Variants in MYO9B observed in about 807,000 individuals in gnomAD.
MYO9B encodes unconventional myosin-IXb.
A neutral mutation model predicts 229.5 loss-of-function variants in MYO9B; 71 were observed. That is an observed-to-expected ratio of 0.31 (90% CI 0.26 to 0.38). The LOEUF is 0.38. Among genes scored for constraint, MYO9B ranks in the 10% least tolerant of loss-of-function variants. MYO9B has a pLI of 1.00. For synonymous variants in MYO9B, 1,185 were observed against 1,235.8 expected, an observed-to-expected ratio of 0.96 and a Z score of 0.86; for missense variants, 2,255 against 2,920.5, an observed-to-expected ratio of 0.77 and a Z score of 5.25.
At chr19:17,198,851 A>G (rs142974745) in intron 24 of MYO9B, among the ~76,000 whole-genome samples, 8 of 150,228 alleles carry the variant, frequency 5.3e-5, no homozygotes, top group East Asian at 3.9e-4. Context: ...CTCTGTCTCT[A>G]TCGGCACTTG....
chr19:17,147,672 ATTTTTTTTTTTT>A (rs1027030377), intron 3 of MYO9B, among the ~76,000 whole-genome samples: 5 of 81,236 alleles, frequency 6.2e-5, no homozygotes, highest in South Asian at 4.6e-4. Flanking sequence ...ACTATGTTTA[ATTTTTTTTTTTT>A]TTTTTTTTTT....
At position 17,209,708 on chromosome 19, in the gene MYO9B, CTG is replaced by C; in HGVS notation, c.5748+2_5748+3del. The C allele has an allele frequency of 6.2e-7, 1 of 1,613,662 alleles. No individual in the cohort carries two copies. Among genetic ancestry groups the C allele is most frequent in the East Asian group, 2.2e-5 (1 of 44,882 alleles). ...AGGCTTTCGCTCCTGCGACAAAATG[CTG>C]TGAGTACCGGTGATCGTGGGGGCGG... On this transcript the variant is annotated splice_donor_variant and coding_sequence_variant, in exon 36 of 40. Coordinates refer to ENST00000682292, the MANE Select transcript of MYO9B (RefSeq NM_004145.4). LOFTEE classifies it high-confidence loss of function.
chr19:17,188,522 C>A (rs1401435757), intron 19 of MYO9B, among the ~76,000 whole-genome samples: 2 of 151,972 alleles, frequency 1.3e-5, no homozygotes, highest in Admixed American at 1.3e-4. Flanking sequence ...GGTGACAGCG[C>A]CTGGTTCCCT....
At position 17,172,902 on chromosome 19, in the gene MYO9B, G is replaced by A; in HGVS notation, c.2079G>A (p.Arg693=). Residue 693 remains arginine (R), a synonymous_variant, in exon 13 of 40, where the codon CGG becomes CGA. Transcript: ENST00000682292. The surrounding 1 kb of genome is among the most constrained non-coding windows in gnomAD (Gnocchi z 8.2). The part of the protein sequence containing the change: ...FRWAVLRAAI[R]AMAVLREAGR... ...GGGCCGTGCTCCGGGCTGCTATCCGGGCCATGGCAGTGCTTCGGGAGGCCG... is the reference window on the plus strand; with the variant it reads ...GGGCCGTGCTCCGGGCTGCTATCCGAGCCATGGCAGTGCTTCGGGAGGCCG... 6.2e-7 allele frequency: 1 copy of A among 1,602,118 alleles called. No homozygotes were observed. The highest frequency in any genetic ancestry group is 8.5e-7 in the Non-Finnish European group (1 of 1,179,716).
At chr19:17,135,682 T>C (rs1484341578) in intron 2 of MYO9B, among the ~76,000 whole-genome samples, 1 of 152,130 alleles carries the variant, frequency 6.6e-6, no homozygotes, top group Non-Finnish European at 1.5e-5. Flanking sequence ...GCAGCCTCTA[T>C]GCATGGATAA....
At chr19:17,135,445 C>T (rs1302437321) in intron 2 of MYO9B, among the ~76,000 whole-genome samples, 4 of 152,006 alleles carry the variant, frequency 2.6e-5, no homozygotes, top group Non-Finnish European at 5.9e-5. Flanking sequence ...CACCCTGGAC[C>T]CCACATGATA....
At chr19:17,110,438 G>A (rs2057836774) in intron 2 of MYO9B, among the ~76,000 whole-genome samples, 1 of 152,112 alleles carries the variant, frequency 6.6e-6, no homozygotes, top group Non-Finnish European at 1.5e-5. Context: ...CGGCCATGGG[G>A]TCTCGCCGCA....
chr19:17,110,101 T>G (rs1281175759), intron 2 of MYO9B, among the ~76,000 whole-genome samples: 1 of 152,106 alleles, frequency 6.6e-6, no homozygotes, highest in Non-Finnish European at 1.5e-5. Context: ...CTGCATCGAT[T>G]GGGGATTTTT....
At chr19:17,194,534 G>T (rs779330482) in intron 21 of MYO9B, 22 bp from the exon 22 acceptor site, 1 of 1,608,968 alleles carries the variant, frequency 6.2e-7, no homozygotes, top group African/African-American at 1.3e-5. Flanking sequence ...TGAACCAGCT[G>T]TCTGCTTTTT....
At chr19:17,103,303 G>T (rs1273312695) in intron 2 of MYO9B, 1 of 152,208 alleles carries the variant, frequency 6.6e-6, no homozygotes, top group Admixed American at 6.5e-5. Flanking sequence ...CTTGGAAAGA[G>T]AGTTTGTTAC....
intron 1 of MYO9B, among the ~76,000 whole-genome samples, chr19:17,089,671 G>T (rs977515615): frequency 6.6e-6 from 1 of 152,056 alleles, no homozygotes; most frequent in African/African-American, 2.4e-5. Context: ...CAAGGAAAAG[G>T]CCCTGAATTG....
chr19:17,193,056 G>C lies in MYO9B; in HGVS notation c.3122G>C (p.Arg1041Pro), dbSNP rs866552915. Residue 1041 changes from arginine to proline, a missense_variant, in exon 21 of 40, where the codon CGC becomes CCC. Around this residue, in one of 7 missense-constraint regions of MYO9B, gnomAD observed 679 missense variants for 770.2 expected, o/e 0.88. Coordinates refer to ENST00000682292, the MANE Select transcript of MYO9B (RefSeq NM_004145.4). This position sits in a 1 kb window ranked among gnomAD's most constrained non-coding sequence, Gnocchi z 4.3. ...AGCCTGTGTCGGGGGCACCTGCAGC[G>C]CAAGAGGTGAGCAGAGCCGGGCCAC... ...LQSLCRGHLQ[R>P]KSFSQMISEK... 2.7e-6 allele frequency: 4 copies of C among 1,456,106 alleles called. No individual in the cohort carries two copies. The highest frequency in any genetic ancestry group is 3.6e-6 in the Non-Finnish European group (4 of 1,104,490). 90.2% of individuals were successfully genotyped at this position (1,456,106 alleles called of 1,614,324 possible). A position where few individuals can be genotyped will look rare whatever the true frequency, so the allele number is the denominator to read the frequency against.
At chr19:17,084,736 AAACACACACACACACAAAATTAGCC>A (rs2057566704) in intron 1 of MYO9B, among the ~76,000 whole-genome samples, 1 of 151,780 alleles carries the variant, frequency 6.6e-6, no homozygotes, top group South Asian at 2.1e-4. Flanking sequence ...AAAAAAAGAA[AAACACACACACACACAAAATTAGCC>A]AGGTATGGTG....
intron 2 of MYO9B, among the ~76,000 whole-genome samples, chr19:17,124,111 A>T (rs1405661596): frequency 6.6e-6 from 1 of 151,946 alleles, no homozygotes; most frequent in Non-Finnish European, 1.5e-5. Flanking sequence ...GTGGTCTCCA[A>T]CTTGTGGCCT....
intron 32 of MYO9B, 24 bp from the exon 33 acceptor site, chr19:17,206,224 A>C: frequency 1.9e-6 from 3 of 1,563,228 alleles, no homozygotes; most frequent in Non-Finnish European, 2.6e-6. Flanking sequence ...GCCGCTCACC[A>C]GACCCACCCC....
intron 7 of MYO9B, 22 bp from the exon 8 acceptor site, chr19:17,159,373 C>A: frequency 6.3e-7 from 1 of 1,581,072 alleles, no homozygotes; most frequent in Non-Finnish European, 8.6e-7. Flanking sequence ...TTTCCTTCTC[C>A]CTCTCCTTGA....
In MYO9B at chr19:17,185,005, G is replaced by A. The variant is rs369048809; in HGVS notation, c.2496+18G>A. The A allele has an allele frequency of 8.3e-4, 1,334 of 1,613,570 alleles. 1 individual carries two copies. Among genetic ancestry groups the A allele is most frequent in the Non-Finnish European group, 1.1e-3 (1,282 of 1,179,722 alleles). The stretch of plus-strand genomic sequence containing the variant: ...AGTTCCAGGTAGGTGGAGCAGGAGA[G>A]GCAGAAGGTGGCGGTCAGCTCAGCC... On this transcript the variant is annotated intron_variant, in intron 17 of 39. Coordinates refer to ENST00000682292, the MANE Select transcript of MYO9B (RefSeq NM_004145.4).
intron 10 of MYO9B, among the ~76,000 whole-genome samples, chr19:17,166,811 T>G (rs1394981953): frequency 6.6e-6 from 1 of 152,212 alleles, no homozygotes; most frequent in Non-Finnish European, 1.5e-5. Context: ...GCTCCATCCA[T>G]GTTCCTGCAA....
Position 17,101,783 on chromosome 19 carries a change from C to A in MYO9B, c.66C>A (p.Tyr22Ter). 1 of 1,598,446 alleles carries A rather than the reference C, an allele frequency of 6.3e-7. No homozygotes were observed. The highest frequency in any genetic ancestry group is 8.5e-7 in the Non-Finnish European group (1 of 1,176,432). Reference sequence around the variant, plus strand: ...AGGCGGCCTACCACCTGCACATCTACCCCCAGCTGTCCACCACCGAGAGCC... The same window carrying A: ...AGGCGGCCTACCACCTGCACATCTAACCCCAGCTGTCCACCACCGAGAGCC... Reference protein sequence around the residue: ...REQAAYHLHIYPQLSTTESQA... With the variant: ...REQAAYHLHI Residue 22 changes from tyrosine to a stop codon, truncating the protein, a stop_gained, in exon 2 of 40, where the codon TAC (tyrosine) becomes TAA (stop). Coordinates refer to ENST00000682292, the MANE Select transcript of MYO9B (RefSeq NM_004145.4). LOFTEE classifies it high-confidence loss of function. This position sits in a 1 kb window ranked among gnomAD's most constrained non-coding sequence, Gnocchi z 4.7.
Sources: gnomAD v4.1 joint callset for allele counts (sites outside exome capture counted in the v4.1 genomes callset) on GRCh38, gnomAD v4.1.1 for gene constraint, gnomAD v4.1.1 regional missense constraint, Gnocchi (gnomAD v3.1) non-coding constraint, MANE v1.5 for transcripts, NCBI Gene and HGNC (gene_info 2026-07-23, HGNC 2026-07-21) for gene names.